Variants in CENPP observed in about 807,000 individuals in gnomAD.
The protein encoded by CENPP is centromere protein P.
A neutral mutation model predicts 35.6 loss-of-function variants in CENPP; 24 were observed. That is an observed-to-expected ratio of 0.67 (90% CI 0.49 to 0.95). The LOEUF is 0.95. Among genes scored for constraint, CENPP ranks in the 40% least tolerant of loss-of-function variants. The pLI, the probability that CENPP is intolerant of heterozygous loss-of-function variation, is 0.00. For missense variants in CENPP, 332 were observed against 345.3 expected, an observed-to-expected ratio of 0.96 and a Z score of 0.31; for synonymous variants, 120 against 125.5, an observed-to-expected ratio of 0.96 and a Z score of 0.29.
intron 5 of CENPP, among the ~76,000 whole-genome samples, chr9:92,395,462 T>A (rs560687019): frequency 6.6e-6 from 1 of 152,216 alleles, no homozygotes; most frequent in African/African-American, 2.4e-5. Flanking sequence ...TTTTCACTAT[T>A]TCAAAGAAAT....
At chr9:92,570,268 T>C (rs1352371369) in intron 5 of CENPP, among the ~76,000 whole-genome samples, 2 of 152,180 alleles carry the variant, frequency 1.3e-5, no homozygotes, top group Non-Finnish European at 1.5e-5. Context: ...ACCTAGTCTA[T>C]TGAGAGTTTT....
chr9:92,601,255 C>A (rs780038173), intron 5 of CENPP, among the ~76,000 whole-genome samples: 89 of 152,312 alleles, frequency 5.8e-4, no homozygotes, highest in Non-Finnish European at 9.4e-4. Flanking sequence ...GAGATACAGT[C>A]TTTCCATCCT....
chr9:92,478,276 T>G (rs947035893), intron 5 of CENPP, among the ~76,000 whole-genome samples: 1 of 152,224 alleles, frequency 6.6e-6, no homozygotes, highest in Non-Finnish European at 1.5e-5. Context: ...ATACACACTA[T>G]TCTCATCTAT....
chr9:92,374,119 CAAAAA>C (rs35803886), intron 4 of CENPP, among the ~76,000 whole-genome samples: 1 of 97,886 alleles, frequency 1.0e-5, no homozygotes, highest in Admixed American at 1.1e-4. Context: ...CAGCAGTGAC[CAAAAA>C]AAAAAAAAAA....
At chr9:92,470,608 A>G (rs959774099) in intron 5 of CENPP, 10 of 896,646 alleles carry the variant, frequency 1.1e-5, no homozygotes, top group Non-Finnish European at 1.7e-5. Flanking sequence ...ATAATTAATC[A>G]TTATAGCAAA....
intron 5 of CENPP, chr9:92,385,726 C>T (rs150923091): frequency 8.1e-6 from 13 of 1,613,892 alleles, no homozygotes; most frequent in East Asian, 4.5e-5. Context: ...AATGCGGTCC[C>T]GGATGTAACT....
At chr9:92,328,252 C>T (rs554443879) in intron 1 of CENPP, among the ~76,000 whole-genome samples, 3 of 152,166 alleles carry the variant, frequency 2.0e-5, no homozygotes, top group South Asian at 4.2e-4. Flanking sequence ...TGGATTTAAC[C>T]GTGAGGTTTC....
At chr9:92,591,287 C>T (rs1333134016) in intron 5 of CENPP, among the ~76,000 whole-genome samples, 2 of 151,914 alleles carry the variant, frequency 1.3e-5, no homozygotes, top group Non-Finnish European at 2.9e-5. Flanking sequence ...AGTGTGATGG[C>T]GGCCGCCTGT....
rs1204919093 is a variant in CENPP, at chr9:92,332,503, A to T, written c.289+152A>T. On this transcript the variant is annotated intron_variant, in intron 2 of 7. Coordinates refer to ENST00000375587, the MANE Select transcript of CENPP (RefSeq NM_001012267.3). ...TTGTTTACTCACATATCTTTTGAACATCACGGTGTTCAAAAAGCTGCCTGG... is the reference window on the plus strand; with the variant it reads ...TTGTTTACTCACATATCTTTTGAACTTCACGGTGTTCAAAAAGCTGCCTGG... 37 of 626,090 alleles carry T rather than the reference A, an allele frequency of 5.9e-5. No individual in the cohort carries two copies. In the South Asian group the frequency reaches 9.7e-4, roughly 16 times the overall value. 38.8% of individuals were successfully genotyped at this position (626,090 alleles called of 1,614,324 possible). A position where few individuals can be genotyped will look rare whatever the true frequency, so the allele number is the denominator to read the frequency against.
At chr9:92,455,179 C>T (rs938534846) in intron 5 of CENPP, among the ~76,000 whole-genome samples, 1 of 152,146 alleles carries the variant, frequency 6.6e-6, no homozygotes, top group Non-Finnish European at 1.5e-5. Context: ...TGGAGGATTA[C>T]TTGAAGCCAG....
rs35306473 is a variant in CENPP, at chr9:92,511,426, G to GT, written c.565-99873dup. On this transcript the variant is annotated intron_variant, in intron 5 of 7. Coordinates refer to ENST00000375587, the MANE Select transcript of CENPP (RefSeq NM_001012267.3). ...AGGCATGAGCCACTGTGCCTGGCCT[G>GT]TTTTTTTTTTTTTTTAAATATATAA... 4.4e-3 allele frequency among the ~76,000 whole-genome samples: 637 copies of GT among 144,634 alleles called. 2 individuals are homozygous for GT. The highest frequency in any genetic ancestry group is 6.5e-3 in the Non-Finnish European group (426 of 65,578). 94.9% of individuals were successfully genotyped at this position (144,634 alleles called of 152,430 possible). A position where few individuals can be genotyped will look rare whatever the true frequency, so the allele number is the denominator to read the frequency against.
intron 5 of CENPP, among the ~76,000 whole-genome samples, chr9:92,477,701 C>T (rs1271623677): frequency 6.6e-6 from 1 of 152,108 alleles, no homozygotes; most frequent in Non-Finnish European, 1.5e-5. Context: ...CACCTTCCTC[C>T]CCATCCTCTT....
intron 1 of CENPP, among the ~76,000 whole-genome samples, chr9:92,328,189 A>G (rs1008538957): frequency 1.3e-5 from 2 of 152,152 alleles, no homozygotes; most frequent in African/African-American, 4.8e-5. Flanking sequence ...GTTAAATTGG[A>G]AAGTCAGAAG....
At chr9:92,369,917 C>T (rs190766432) in intron 4 of CENPP, among the ~76,000 whole-genome samples, 163 of 152,270 alleles carry the variant, frequency 1.1e-3, no homozygotes, top group Non-Finnish European at 1.7e-3. Context: ...GAAAGGCTTT[C>T]AACTTTCCCC....
intron 1 of CENPP, 145 bp downstream of exon 1, chr9:92,326,250 C>G (rs1007583979): frequency 1.6e-6 from 1 of 621,234 alleles, no homozygotes; most frequent in Non-Finnish European, 2.8e-6. Context: ...TGACGATGGC[C>G]TAGAGTTGGG....
At chr9:92,477,200 G>T (rs889639588) in intron 5 of CENPP, among the ~76,000 whole-genome samples, 1 of 152,186 alleles carries the variant, frequency 6.6e-6, no homozygotes, top group African/African-American at 2.4e-5. Context: ...TCGTATTCCA[G>T]TCATCCTGTG....
chr9:92,385,647 T>C, intron 5 of CENPP: 1 of 1,614,186 alleles, frequency 6.2e-7, no homozygotes, highest in East Asian at 2.2e-5. Flanking sequence ...TCGGTAATCT[T>C]TTTAAGCAAA....
chr9:92,482,882 G>C (rs1845957272), intron 5 of CENPP, among the ~76,000 whole-genome samples: 1 of 151,016 alleles, frequency 6.6e-6, no homozygotes, highest in East Asian at 1.9e-4. Flanking sequence ...AATGACTGTA[G>C]CTATTGCATT....
At chr9:92,493,997 A>G in intron 5 of CENPP, 1 of 1,378,376 alleles carries the variant, frequency 7.3e-7, no homozygotes, top group Non-Finnish European at 1.0e-6. Flanking sequence ...CTCAGGCCCC[A>G]GTGTGCTCGT....
Sources: allele counts gnomAD v4.1 joint callset (sites outside exome capture counted in the v4.1 genomes callset), GRCh38; gene constraint gnomAD v4.1.1; transcripts MANE v1.5; gene names NCBI Gene and HGNC (gene_info 2026-07-23, HGNC 2026-07-21).